The following SAMTOR variants were observed in gnomAD, a reference collection of about 807,000 sequenced individuals.
The protein encoded by SAMTOR is S-adenosylmethionine sensor upstream of mTORC1.
At chr7:112,840,186 T>G in the SAMTOR span, among the ~76,000 whole-genome samples, 1 of 151,924 alleles carries the variant, frequency 6.6e-6, no homozygotes. Flanking sequence ...ATGTATGGTA[T>G]AGCTAAAGTT....
chr7:112,893,129 G>A, the SAMTOR span, among the ~76,000 whole-genome samples: 10 of 152,146 alleles, frequency 6.6e-5, no homozygotes, highest in Admixed American at 1.3e-4. Context: ...TGGCTTCAAC[G>A]TAAAGTCACC....
At chr7:112,895,983 A>G in the SAMTOR span, among the ~76,000 whole-genome samples, 1 of 152,346 alleles carries the variant, frequency 6.6e-6, no homozygotes, top group South Asian at 2.1e-4. Flanking sequence ...TCAGGATTAC[A>G]GATGTGTTTG....
the SAMTOR span, among the ~76,000 whole-genome samples, chr7:112,824,843 T>A: frequency 5.9e-5 from 9 of 152,210 alleles, no homozygotes; most frequent in Admixed American, 3.3e-4. Flanking sequence ...TTCCTGAACA[T>A]CAATACCATG....
At chr7:112,910,748 C>G in the SAMTOR span, among the ~76,000 whole-genome samples, 1 of 151,902 alleles carries the variant, frequency 6.6e-6, no homozygotes. Context: ...TCCTTTAGAC[C>G]CAACTTTCAG....
At chr7:112,843,257 T>C in the SAMTOR span, among the ~76,000 whole-genome samples, 1 of 151,960 alleles carries the variant, frequency 6.6e-6, no homozygotes, top group Non-Finnish European at 1.5e-5. Context: ...ATCACAAAAT[T>C]AGTTATCCTG....
At chr7:112,898,550 G>A in the SAMTOR span, among the ~76,000 whole-genome samples, 2 of 152,194 alleles carry the variant, frequency 1.3e-5, no homozygotes, top group East Asian at 1.9e-4. Flanking sequence ...CCCACCCTGG[G>A]ACAGAAGGGA....
At chr7:112,822,475 G>A in the SAMTOR span, 3 of 960,578 alleles carry the variant, frequency 3.1e-6, no homozygotes, top group Non-Finnish European at 4.6e-6. Flanking sequence ...AGTAATTCCA[G>A]CATTGATTAT....
chr7:112,920,406 A>C, the SAMTOR span, among the ~76,000 whole-genome samples: 5 of 151,226 alleles, frequency 3.3e-5, no homozygotes, highest in African/African-American at 1.2e-4. Flanking sequence ...ACAACCCTTC[A>C]TGCTAAAAAC....
the SAMTOR span, among the ~76,000 whole-genome samples, chr7:112,922,021 T>C: frequency 6.6e-6 from 1 of 152,012 alleles, no homozygotes; most frequent in Non-Finnish European, 1.5e-5. Context: ...AGCTGGACTG[T>C]ACTGCTGCCA....
the SAMTOR span, chr7:112,895,488 T>A: frequency 9.9e-7 from 1 of 1,013,954 alleles, no homozygotes; most frequent in Non-Finnish European, 1.4e-6. Context: ...AGTAAACTGC[T>A]CACTGTTTAG....
chr7:112,937,590 G>A, the SAMTOR span, among the ~76,000 whole-genome samples: 1 of 151,286 alleles, frequency 6.6e-6, no homozygotes, highest in East Asian at 1.9e-4. Flanking sequence ...AGAAATAAAG[G>A]TAGAAGGAGC....
At chr7:112,929,217 A>AT in the SAMTOR span, among the ~76,000 whole-genome samples, 87 of 149,950 alleles carry the variant, frequency 5.8e-4, no homozygotes, top group African/African-American at 2.2e-3. Context: ...CAAAAGATAT[A>AT]TAAAAAAAAC....
the SAMTOR span, among the ~76,000 whole-genome samples, chr7:112,859,549 T>C: frequency 1.3e-5 from 2 of 152,176 alleles, no homozygotes; most frequent in Non-Finnish European, 2.9e-5. Flanking sequence ...TCCATAAGTA[T>C]TGTTGCCATG....
chr7:112,846,467 T>C, the SAMTOR span, among the ~76,000 whole-genome samples: 1 of 152,094 alleles, frequency 6.6e-6, no homozygotes, highest in Non-Finnish European at 1.5e-5. Context: ...TTTATCTATA[T>C]AACAAACCTG....
chr7:112,893,528 T>C, the SAMTOR span, among the ~76,000 whole-genome samples: 1 of 152,240 alleles, frequency 6.6e-6, no homozygotes, highest in African/African-American at 2.4e-5. Context: ...GAGGGAATGC[T>C]GTGGTTGGTT....
chr7:112,848,341 T>C, the SAMTOR span, among the ~76,000 whole-genome samples: 3 of 152,236 alleles, frequency 2.0e-5, no homozygotes, highest in African/African-American at 7.2e-5. Flanking sequence ...TTTACATGTA[T>C]ACATACCTAT....
At chr7:112,858,941 AC>A in the SAMTOR span, among the ~76,000 whole-genome samples, 4 of 152,234 alleles carry the variant, frequency 2.6e-5, no homozygotes, top group African/African-American at 9.6e-5. Context: ...TTGATCAAAT[AC>A]CTGTTTAGAT....
the SAMTOR span, among the ~76,000 whole-genome samples, chr7:112,856,033 T>G: frequency 2.0e-5 from 3 of 152,148 alleles, no homozygotes; most frequent in African/African-American, 7.2e-5. Context: ...TGTGTGTATA[T>G]GTGCGCACAT....
the SAMTOR span, among the ~76,000 whole-genome samples, chr7:112,930,593 G>A: frequency 1.3e-5 from 2 of 151,490 alleles, no homozygotes; most frequent in Non-Finnish European, 1.5e-5. Context: ...GAACAGTCTA[G>A]GTAAAAATTC....
Sources: allele counts gnomAD v4.1 joint callset (sites outside exome capture counted in the v4.1 genomes callset), GRCh38; gene constraint gnomAD v4.1.1; transcripts MANE v1.5; gene names NCBI Gene and HGNC (gene_info 2026-07-23, HGNC 2026-07-21).